ANGPT2: variants seen among roughly 807,000 people sequenced by gnomAD.
ANGPT2 encodes angiopoietin 2.
ANGPT2 carries 28 observed loss-of-function variants against 62.9 expected under a neutral mutation model. The ratio of observed to expected loss-of-function variants is 0.44; its 90% CI spans 0.33 to 0.61. ANGPT2 has a LOEUF of 0.61. ANGPT2 is among the 20% of genes least tolerant of loss of function. The pLI is 0.03. For synonymous variants in ANGPT2, 284 were observed against 207.8 expected (o/e 1.37, Z -3.15); for missense variants, 727 against 594.9 (o/e 1.22, Z -2.31).
In ANGPT2 at chr8:6,508,963, A is replaced by G. The variant is rs1276207021; in HGVS notation, c.1296T>C (p.Cys432=). ...TTAGCATTTGTGAACATTTGCAAAT[A>G]CATTTGTCGTTGTCTCCATCCTTTG... ...FSTKDGDNDK[C]ICKCSQMLTG... Residue 432 remains cysteine (C), a synonymous_variant, in exon 8 of 9, where the codon TGT becomes TGC. Coordinates refer to ENST00000629816, the MANE Select transcript of ANGPT2 (RefSeq NM_001118887.2). The G allele has an allele frequency of 6.2e-7, 1 of 1,614,068 alleles. No individual in the cohort carries two copies. The highest frequency in any genetic ancestry group is 8.5e-7 in the Non-Finnish European group (1 of 1,180,040).
chr8:6,530,565 A>T (rs113487655), intron 2 of ANGPT2, among the ~76,000 whole-genome samples: 1,260 of 77,682 alleles, frequency 0.016, 21 homozygotes, highest in African/African-American at 0.051. Flanking sequence ...TTTTGGTCCA[A>T]CCTAATAATT....
At position 6,541,966 on chromosome 8, in the gene ANGPT2, C is replaced by T. The variant is rs551838084; in HGVS notation, c.289-9479G>A. ...GAGGCTGCAGTGAGCCGTGATCGTG[C>T]CACTGCACTCCAGCCTGGGTGACAG... is the stretch of plus-strand genomic sequence containing the variant. On this transcript the variant is annotated intron_variant, in intron 1 of 8. Coordinates refer to ENST00000629816, the MANE Select transcript of ANGPT2 (RefSeq NM_001118887.2). 4.6e-5 allele frequency among the ~76,000 whole-genome samples: 7 copies of T among 151,098 alleles called. No homozygotes were observed. In the South Asian group the frequency reaches 1.5e-3, roughly 32 times the overall value.
chr8:6,513,457 C>CGAGT (rs1399007256), intron 7 of ANGPT2, among the ~76,000 whole-genome samples: 1 of 151,762 alleles, frequency 6.6e-6, no homozygotes, highest in Non-Finnish European at 1.5e-5. Flanking sequence ...CTCAGCCTCC[C>CGAGT]GAGTAGCTGG....
intron 5 of ANGPT2, among the ~76,000 whole-genome samples, chr8:6,518,648 A>C (rs1816746900): frequency 6.6e-6 from 1 of 152,300 alleles, no homozygotes; most frequent in East Asian, 1.9e-4. Context: ...AATACTTAGG[A>C]TAATACTCAA....
At chr8:6,531,100 C>T (rs1053574574) in intron 2 of ANGPT2, among the ~76,000 whole-genome samples, 1 of 151,988 alleles carries the variant, frequency 6.6e-6, no homozygotes, top group Non-Finnish European at 1.5e-5. Flanking sequence ...GCTTGGCCGC[C>T]GAGAGTCACG....
chr8:6,525,816 T>G (rs2129570366), intron 3 of ANGPT2, among the ~76,000 whole-genome samples: 1 of 152,346 alleles, frequency 6.6e-6, no homozygotes, highest in Admixed American at 6.5e-5. Context: ...TTTCTACAGC[T>G]GATGAGAAAA....
chr8:6,502,844 G>T lies in ANGPT2; in HGVS notation c.*257C>A, dbSNP rs898091946. On this transcript the variant is annotated 3_prime_UTR_variant, in exon 9 of 9. Coordinates refer to ENST00000629816, the MANE Select transcript of ANGPT2 (RefSeq NM_001118887.2). ...CTGTAAACTGTCAGTCTGATTCTCAGCCTCGGGTTCATCTTTGCATAGGTG... is the reference window on the plus strand; with the variant it reads ...CTGTAAACTGTCAGTCTGATTCTCATCCTCGGGTTCATCTTTGCATAGGTG... 1 of 449,460 alleles carries T rather than the reference G, an allele frequency of 2.2e-6. No individual in the cohort carries two copies. Among genetic ancestry groups the T allele is most frequent in the East Asian group, 3.8e-5 (1 of 26,510 alleles). The allele number at this position is 449,460 out of a possible 1,614,324, so 27.8% of individuals were successfully genotyped here. A position where few individuals can be genotyped will look rare whatever the true frequency, so the allele number is the denominator to read the frequency against.
intron 8 of ANGPT2, among the ~76,000 whole-genome samples, chr8:6,506,107 TTGG>T (rs1348236414): frequency 6.6e-6 from 1 of 151,692 alleles, no homozygotes; most frequent in East Asian, 1.9e-4. Flanking sequence ...ACATTGTTTC[TTGG>T]TGGTAACAGC....
chr8:6,505,663 G>A (rs1278560838), intron 8 of ANGPT2, among the ~76,000 whole-genome samples: 1 of 123,216 alleles, frequency 8.1e-6, no homozygotes, highest in African/African-American at 3.0e-5. Flanking sequence ...TTTATATATA[G>A]AATATATATA....
intron 1 of ANGPT2, among the ~76,000 whole-genome samples, chr8:6,559,811 A>C (rs1187000946): frequency 6.6e-6 from 1 of 152,208 alleles, no homozygotes; most frequent in East Asian, 1.9e-4. Flanking sequence ...GAGACGTAGC[A>C]TGAGTAGTGT....
At chr8:6,521,143 A>G in intron 4 of ANGPT2, 35 bp downstream of exon 4, 4 of 1,572,680 alleles carry the variant, frequency 2.5e-6, no homozygotes, top group Non-Finnish European at 3.5e-6. Flanking sequence ...ACTAAAGGTT[A>G]TTAACGCTGA....
At chr8:6,526,080 G>A (rs1818269910) in intron 3 of ANGPT2, among the ~76,000 whole-genome samples, 1 of 151,898 alleles carries the variant, frequency 6.6e-6, no homozygotes, top group Non-Finnish European at 1.5e-5. Context: ...TGTGTTCCAG[G>A]AATCACTGCA....
chr8:6,521,999 C>T (rs1046041364), intron 3 of ANGPT2, among the ~76,000 whole-genome samples: 1 of 152,202 alleles, frequency 6.6e-6, no homozygotes, highest in African/African-American at 2.4e-5. Context: ...AATGTCCTCA[C>T]CTGTTAATTA....
intron 7 of ANGPT2, among the ~76,000 whole-genome samples, chr8:6,512,193 C>T (rs187858054): frequency 4.6e-5 from 7 of 152,272 alleles, no homozygotes; most frequent in Non-Finnish European, 1.0e-4. Context: ...AAACATGCTT[C>T]TGAATTTTCA....
intron 4 of ANGPT2, 153 bp from the exon 5 acceptor site, chr8:6,520,144 T>C: frequency 2.5e-6 from 2 of 791,170 alleles, no homozygotes; most frequent in Non-Finnish European, 3.8e-6. Context: ...CTAGAAAGTT[T>C]CCTTTCAGCC....
At chr8:6,509,616 T>A (rs574513769) in intron 7 of ANGPT2, among the ~76,000 whole-genome samples, 41 of 152,270 alleles carry the variant, frequency 2.7e-4, no homozygotes, top group African/African-American at 9.9e-4. Context: ...TTTTAGACAT[T>A]GAGAAAGGAA....
At chr8:6,549,851 AATTTT>A (rs1371161332) in intron 1 of ANGPT2, among the ~76,000 whole-genome samples, 1 of 152,220 alleles carries the variant, frequency 6.6e-6, no homozygotes, top group Non-Finnish European at 1.5e-5. Context: ...AAGATTTGTG[AATTTT>A]ATTCTGTGTA....
chr8:6,534,045 C>G (rs2959811), intron 1 of ANGPT2, among the ~76,000 whole-genome samples: 3 of 151,774 alleles, frequency 2.0e-5, no homozygotes, highest in Non-Finnish European at 4.4e-5. Flanking sequence ...GCTCCCAGCT[C>G]CCTGCATGCC....
At chr8:6,559,134 A>G (rs1235082564) in intron 1 of ANGPT2, among the ~76,000 whole-genome samples, 1 of 151,676 alleles carries the variant, frequency 6.6e-6, no homozygotes, top group East Asian at 1.9e-4. Context: ...TGTGAATGGG[A>G]TGGGATTTTT....
Sources: gnomAD v4.1 joint callset for allele counts (sites outside exome capture counted in the v4.1 genomes callset) on GRCh38, gnomAD v4.1.1 for gene constraint, MANE v1.5 for transcripts, NCBI Gene and HGNC (gene_info 2026-07-23, HGNC 2026-07-21) for gene names.